RPTOR: variants seen among roughly 807,000 people sequenced by gnomAD.
RPTOR encodes regulatory associated protein of MTOR complex 1, also known as regulatory-associated protein of mTOR.
A neutral mutation model predicts 169.9 loss-of-function variants in RPTOR; 21 were observed. That is an observed-to-expected ratio of 0.12 (90% confidence interval 0.09 to 0.18). RPTOR has a LOEUF of 0.18. RPTOR is among the 10% of genes least tolerant of loss of function. The pLI is 1.00. For synonymous variants in RPTOR, 732 were observed against 753.2 expected, an observed-to-expected ratio of 0.97 and a Z score of 0.46; for missense variants, 1,133 against 1,855.9, an observed-to-expected ratio of 0.61 and a Z score of 7.16.
At chr17:80,681,662 G>GTTGAATTTCATTTGAT (rs1567854330) in intron 3 of RPTOR, among the ~76,000 whole-genome samples, 82 of 85,118 alleles carry the variant, frequency 9.6e-4, no homozygotes, top group African/African-American at 2.4e-3. Context: ...CCTTCATGAG[G>GTTGAATTTCATTTGAT]TGTACGTCTC....
In RPTOR at chr17:80,591,167, T is replaced by TTCCCCTCCCCTCCCC. The variant is rs1272190121; in HGVS notation, c.163-34520_163-34519insCTCCCCTCCCCTCCC. On this transcript the variant is annotated intron_variant, in intron 1 of 33. Coordinates refer to ENST00000306801, the MANE Select transcript of RPTOR (RefSeq NM_020761.3). ...GCCCAGCCCCCTCCCCTCCCCTCCC[T>TTCCCCTCCCCTCCCC]TCCCTTCCCCTCCCCTCTCCTCCCC... 9.0e-4 allele frequency among the ~76,000 whole-genome samples: 2 copies of TTCCCCTCCCCTCCCC among 2,218 alleles called. 1 individual carries two copies. Among genetic ancestry groups the TTCCCCTCCCCTCCCC allele is most frequent in the African/African-American group, 3.2e-3 (2 of 626 alleles). The allele number at this position is 2,218 out of a possible 152,430, so 1.5% of individuals were successfully genotyped here. A position where few individuals can be genotyped will look rare whatever the true frequency, so the allele number is the denominator to read the frequency against.
At chr17:80,660,419 A>T (rs1241175645) in intron 3 of RPTOR, among the ~76,000 whole-genome samples, 2 of 152,278 alleles carry the variant, frequency 1.3e-5, no homozygotes, top group East Asian at 3.9e-4. Context: ...TTCCTTAGTG[A>T]CATAGAAGAC....
At chr17:80,642,662 A>G (rs1007400238) in intron 2 of RPTOR, among the ~76,000 whole-genome samples, 1 of 152,218 alleles carries the variant, frequency 6.6e-6, no homozygotes, top group Non-Finnish European at 1.5e-5. Context: ...AAGTTCGTTG[A>G]TGTGGTTTCA....
intron 21 of RPTOR, 21 bp from the exon 22 acceptor site, chr17:80,922,702 AC>A: frequency 1.3e-6 from 2 of 1,555,796 alleles, no homozygotes; most frequent in Non-Finnish European, 8.7e-7. Flanking sequence ...TGACCTTCAC[AC>A]CCCCATTCCT....
chr17:80,863,334 C>A (rs190540864), intron 13 of RPTOR, among the ~76,000 whole-genome samples: 1 of 152,180 alleles, frequency 6.6e-6, no homozygotes, highest in Non-Finnish European at 1.5e-5. Flanking sequence ...CACTCCACTT[C>A]ACACTACCAG....
chr17:80,931,788 T>A (rs560129531), intron 24 of RPTOR, among the ~76,000 whole-genome samples: 1 of 152,302 alleles, frequency 6.6e-6, no homozygotes, highest in South Asian at 2.1e-4. Flanking sequence ...AGTCAGAGTC[T>A]GGGCTAGAGC....
At chr17:80,559,518 G>A (rs1181502210) in intron 1 of RPTOR, among the ~76,000 whole-genome samples, 1 of 152,218 alleles carries the variant, frequency 6.6e-6, no homozygotes, top group African/African-American at 2.4e-5. Context: ...GAGAAGCCAC[G>A]AACGTGTGCA....
intron 17 of RPTOR, among the ~76,000 whole-genome samples, chr17:80,886,208 C>T (rs950091537): frequency 3.3e-5 from 5 of 152,254 alleles, no homozygotes; most frequent in South Asian, 2.1e-4. Context: ...GAGCAGCTGC[C>T]GCTGCTTTAC....
intron 5 of RPTOR, among the ~76,000 whole-genome samples, chr17:80,744,974 C>T (rs72851570): frequency 0.25 from 34,328 of 139,832 alleles, 5,259 homozygotes; most frequent in East Asian, 0.49. Flanking sequence ...CTAGCAGAGC[C>T]CTGGTTACTA....
At position 80,743,386 on chromosome 17, in the gene RPTOR, A is replaced by T. The variant is rs965690953; in HGVS notation, c.655-10624A>T. On this transcript the variant is annotated intron_variant, in intron 5 of 33. Transcript: ENST00000306801. ...GAGGGAGGCCTGAAGGAGATGTCTA[A>T]CCTGAGCCGTAGAACGTAAGAAGTT... 8.1e-6 allele frequency: 8 copies of T among 985,396 alleles called. No individual in the cohort carries two copies. The African/African-American group carries it at 1.4e-4, about 17-fold the overall frequency. 61.0% of individuals were successfully genotyped at this position (985,396 alleles called of 1,614,324 possible). A position where few individuals can be genotyped will look rare whatever the true frequency, so the allele number is the denominator to read the frequency against.
At chr17:80,669,439 C>T (rs889205837) in intron 3 of RPTOR, among the ~76,000 whole-genome samples, 1 of 152,220 alleles carries the variant, frequency 6.6e-6, no homozygotes, top group Non-Finnish European at 1.5e-5. Context: ...GGCTGGAGTG[C>T]AGTGGCGCGA....
chr17:80,702,194 G>A (rs2066106698), intron 3 of RPTOR, among the ~76,000 whole-genome samples: 1 of 152,140 alleles, frequency 6.6e-6, no homozygotes, highest in South Asian at 2.1e-4. Flanking sequence ...ATTTGGAGCT[G>A]CATTTTCCTT....
intron 6 of RPTOR, among the ~76,000 whole-genome samples, chr17:80,761,427 C>T (rs940147757): frequency 2.0e-5 from 3 of 152,212 alleles, no homozygotes; most frequent in Non-Finnish European, 4.4e-5. Context: ...AGAGCATTAA[C>T]GTGTATTTGT....
intron 2 of RPTOR, among the ~76,000 whole-genome samples, chr17:80,642,033 G>A (rs1177472130): frequency 6.6e-6 from 1 of 152,120 alleles, no homozygotes; most frequent in African/African-American, 2.4e-5. Flanking sequence ...GAAAACAACT[G>A]ACAGTGTTTG....
intron 7 of RPTOR, chr17:80,802,662 C>G (rs181535607): frequency 6.6e-6 from 1 of 152,152 alleles, no homozygotes; most frequent in Admixed American, 6.5e-5. Flanking sequence ...CCTCGCTCTG[C>G]GGAGATGCAG....
intron 1 of RPTOR, among the ~76,000 whole-genome samples, chr17:80,564,180 A>G (rs577215583): frequency 6.6e-6 from 1 of 151,648 alleles, no homozygotes; most frequent in South Asian, 2.1e-4. Flanking sequence ...CTCCTGCCTC[A>G]GCCTCCCGAG....
chr17:80,751,890 C>T lies in RPTOR; in HGVS notation c.655-2120C>T, dbSNP rs2066634031. Among the ~76,000 whole-genome samples, 3 of 152,232 alleles carry T rather than the reference C, an allele frequency of 2.0e-5. No individual in the cohort carries two copies. The South Asian group carries it at 6.2e-4, about 32-fold the overall frequency. ...AGGTGGCGCTCTCAGTCTGAAGCCT[C>T]ATTCTGTACCTTGTTGTTCCACATC... is the stretch of plus-strand genomic sequence containing the variant. On this transcript the variant is annotated intron_variant, in intron 5 of 33. Coordinates refer to ENST00000306801, the MANE Select transcript of RPTOR (RefSeq NM_020761.3).
At chr17:80,848,964 G>A (rs1404776147) in intron 11 of RPTOR, among the ~76,000 whole-genome samples, 3 of 152,216 alleles carry the variant, frequency 2.0e-5, no homozygotes, top group African/African-American at 7.2e-5. Flanking sequence ...TCCAGCAGGT[G>A]TGAGTGGCAG....
Position 80,922,817 on chromosome 17 carries a change from C to A in RPTOR, c.2614C>A (p.His872Asn). Residue 872 changes from histidine to asparagine, a missense_variant, in exon 22 of 34, where the codon CAC becomes AAC. His to Asn is a moderately conservative substitution (Grantham distance 68). Coordinates refer to ENST00000306801, the MANE Select transcript of RPTOR (RefSeq NM_020761.3). ...CCCCACCAACAAGGGCGTGCACATC[C>A]ACCAGGCGGGGTAAGTGCCGCCCGC... is the stretch of plus-strand genomic sequence containing the variant. ...ASPTNKGVHIHQAGGSPPASS... is the reference protein window; with the variant it reads ...ASPTNKGVHINQAGGSPPASS... 6.4e-7 allele frequency: 1 copy of A among 1,572,668 alleles called. No homozygotes were observed. Among genetic ancestry groups the A allele is most frequent in the Non-Finnish European group, 8.6e-7 (1 of 1,164,838 alleles).
Sources: gnomAD v4.1 joint callset for allele counts (sites outside exome capture counted in the v4.1 genomes callset) on GRCh38, gnomAD v4.1.1 for gene constraint, MANE v1.5 for transcripts, NCBI Gene and HGNC (gene_info 2026-07-23, HGNC 2026-07-21) for gene names.